DOCK1: variants seen among roughly 807,000 people sequenced by gnomAD.
DOCK1 encodes the protein dedicator of cytokinesis 1.
DOCK1 carries 138 observed loss-of-function variants against 262.7 expected under a neutral mutation model. That is an observed-to-expected ratio of 0.53 (90% CI 0.46 to 0.61). The LOEUF (loss-of-function observed/expected upper bound fraction) is 0.61. Among genes scored for constraint, DOCK1 ranks in the 20% least tolerant of loss-of-function variants. The pLI, the probability that DOCK1 is intolerant of heterozygous loss-of-function variation, is 0.00. For synonymous variants in DOCK1, 866 were observed against 867.4 expected (o/e 1.00, Z 0.03); for missense variants, 1,908 against 2,370.7 (o/e 0.80, Z 4.05).
chr10:127,427,227 A>C (rs2068873452), intron 47 of DOCK1, among the ~76,000 whole-genome samples: 1 of 152,194 alleles, frequency 6.6e-6, no homozygotes, highest in Admixed American at 6.5e-5. Context: ...CGGCAAAAGG[A>C]AGGCGAGCTG....
chr10:127,374,545 T>G (rs2065380514), intron 35 of DOCK1, among the ~76,000 whole-genome samples: 1 of 152,208 alleles, frequency 6.6e-6, no homozygotes. Flanking sequence ...GCGTGCTATG[T>G]AGTACATAGG....
intron 27 of DOCK1, among the ~76,000 whole-genome samples, chr10:127,132,391 A>C (rs181575672): frequency 6.6e-6 from 1 of 152,346 alleles, no homozygotes; most frequent in East Asian, 1.9e-4. Flanking sequence ...GCCCAGAGAC[A>C]GAAGCGTTGC....
intron 1 of DOCK1, among the ~76,000 whole-genome samples, chr10:126,944,314 G>T (rs1193718275): frequency 6.6e-6 from 1 of 152,126 alleles, no homozygotes; most frequent in Non-Finnish European, 1.5e-5. Context: ...TGGGCACAGG[G>T]TGCAGGGCTG....
intron 28 of DOCK1, among the ~76,000 whole-genome samples, chr10:127,251,687 C>T (rs1220021508): frequency 6.6e-6 from 1 of 150,710 alleles, no homozygotes; most frequent in Non-Finnish European, 1.5e-5. Context: ...CAATTTCATC[C>T]ATGTCCCTAC....
chr10:126,966,906 T>C (rs1435801708), intron 1 of DOCK1, among the ~76,000 whole-genome samples: 2 of 152,230 alleles, frequency 1.3e-5, no homozygotes, highest in Non-Finnish European at 2.9e-5. Context: ...GCTTCTACGC[T>C]GGAGTCTGCT....
chr10:127,032,877 T>C (rs1317184262), intron 18 of DOCK1, among the ~76,000 whole-genome samples: 1 of 152,214 alleles, frequency 6.6e-6, no homozygotes, highest in Non-Finnish European at 1.5e-5. Flanking sequence ...TAAAGGGAGA[T>C]AAAGCAATGG....
intron 23 of DOCK1, among the ~76,000 whole-genome samples, chr10:127,091,079 T>G (rs954604194): frequency 2.0e-5 from 3 of 151,820 alleles, no homozygotes; most frequent in Non-Finnish European, 4.4e-5. Context: ...CCTCCTGGGT[T>G]CACACCATTC....
chr10:126,966,798 GA>G (rs1220151320), intron 1 of DOCK1, among the ~76,000 whole-genome samples: 2 of 151,966 alleles, frequency 1.3e-5, no homozygotes, highest in East Asian at 3.8e-4. Context: ...CCTAGAAAAA[GA>G]AAAAAACAAA....
chr10:127,049,471 C>T (rs1188563057), intron 21 of DOCK1, among the ~76,000 whole-genome samples: 2 of 151,928 alleles, frequency 1.3e-5, no homozygotes, highest in South Asian at 4.2e-4. Flanking sequence ...CAGTGAGCCA[C>T]GATCACGCTA....
chr10:127,325,416 T>G (rs1050466170), intron 29 of DOCK1, among the ~76,000 whole-genome samples: 3 of 152,226 alleles, frequency 2.0e-5, no homozygotes, highest in Non-Finnish European at 2.9e-5. Context: ...TGTGAGCTTA[T>G]TTAATGGTTA....
At chr10:127,367,875 A>G (rs2065009071) in intron 33 of DOCK1, among the ~76,000 whole-genome samples, 1 of 152,208 alleles carries the variant, frequency 6.6e-6, no homozygotes, top group African/African-American at 2.4e-5. Flanking sequence ...TAGTGCTTGC[A>G]GTGTGGATAC....
At chr10:127,027,185 GC>G (rs2042924929) in intron 16 of DOCK1, among the ~76,000 whole-genome samples, 1 of 152,250 alleles carries the variant, frequency 6.6e-6, no homozygotes, top group South Asian at 2.1e-4. Flanking sequence ...AGGGCAGACC[GC>G]CCTTTGTCAC....
chr10:127,339,648 TGCGCGC>T (rs56813753), intron 30 of DOCK1, among the ~76,000 whole-genome samples: 1 of 143,780 alleles, frequency 7.0e-6, no homozygotes, highest in African/African-American at 2.7e-5. Context: ...TGTGTGTGTG[TGCGCGC>T]GCGCATGCAT....
Position 127,031,726 on chromosome 10 carries a change from C to T in DOCK1, c.1701C>T (p.Asp567=), listed in dbSNP as rs371096088. The T allele has an allele frequency of 2.0e-5, 32 of 1,613,110 alleles. No individual in the cohort carries two copies. The highest frequency in any genetic ancestry group is 8.0e-5 in the African/African-American group (6 of 74,874). Residue 567 remains aspartate (D), a synonymous_variant, in exon 17 of 52, where the codon GAC becomes GAT. Transcript: ENST00000623213. The stretch of plus-strand genomic sequence containing the variant: ...GATACGATGGTACCACCCTGCGAGA[C>T]GGAGAGCACGATCTTATCGTCTATA... ...LMRYDGTTLR[D]GEHDLIVYKA...
rs754314369 is a variant in DOCK1 at position 127,439,141 on chromosome 10, C to T, written c.5175C>T (p.Ser1725=). The part of the protein sequence containing the change: ...KKDKKKEKRN[S]KHQEIFEKEF... ...ACAAGAAGAAGGAAAAAAGGAACAG[C>T]AAACATCAAGAGATATTTGAGAAAG... Residue 1725 remains serine (S), a synonymous_variant, in exon 49 of 52, where the codon AGC becomes AGT. Coordinates refer to ENST00000623213, the MANE Select transcript of DOCK1 (RefSeq NM_001290223.2). The T allele has an allele frequency of 2.4e-5, 39 of 1,604,824 alleles. No individual in the cohort carries two copies. In the South Asian group the frequency reaches 4.2e-4, roughly 17 times the overall value.
At chr10:127,149,346 G>C (rs902704701) in intron 27 of DOCK1, among the ~76,000 whole-genome samples, 1 of 152,292 alleles carries the variant, frequency 6.6e-6, no homozygotes, top group South Asian at 2.1e-4. Flanking sequence ...TTCGCTTGTC[G>C]TACTGGTGGT....
At position 127,071,690 on chromosome 10, in the gene DOCK1, A is replaced by G. The variant is rs138441432; in HGVS notation, c.2445+9914A>G. 4.5e-3 allele frequency among the ~76,000 whole-genome samples: 687 copies of G among 152,314 alleles called. 9 individuals are homozygous for G. The highest frequency in any genetic ancestry group is 0.014 in the African/African-American group (598 of 41,566). On this transcript the variant is annotated intron_variant, in intron 23 of 51. Transcript: ENST00000623213. ...GAACATGTGCCTGAATTGATGTGCAATCATTTGCTTAATCAAATGATTTTT... is the reference window on the plus strand; with the variant it reads ...GAACATGTGCCTGAATTGATGTGCAGTCATTTGCTTAATCAAATGATTTTT...
intron 11 of DOCK1, 60 bp downstream of exon 11, chr10:127,008,864 A>G: frequency 7.4e-7 from 1 of 1,355,212 alleles, no homozygotes; most frequent in Non-Finnish European, 1.0e-6. Context: ...TAGGCTTGTA[A>G]TAATTATCTT....
chr10:127,113,220 T>G (rs2048973145), intron 25 of DOCK1, among the ~76,000 whole-genome samples: 1 of 152,208 alleles, frequency 6.6e-6, no homozygotes, highest in Non-Finnish European at 1.5e-5. Context: ...ACTCTCTTTG[T>G]GTTCAGATTT....
Sources: allele counts gnomAD v4.1 joint callset (sites outside exome capture counted in the v4.1 genomes callset), GRCh38; gene constraint gnomAD v4.1.1; transcripts MANE v1.5; gene names NCBI Gene and HGNC (gene_info 2026-07-23, HGNC 2026-07-21).